Variants in LOC400499 observed in about 807,000 individuals in gnomAD.
chr16:11,391,131 C>T, the LOC400499 span, among the ~76,000 whole-genome samples: 3 of 152,216 alleles, frequency 2.0e-5, no homozygotes, highest in South Asian at 4.1e-4. Flanking sequence ...CAGGGAGGAT[C>T]GGGAGGTAAC....
At chr16:11,522,073 G>C in the LOC400499 span, 1 of 398,944 alleles carries the variant, frequency 2.5e-6, no homozygotes, top group Non-Finnish European at 4.4e-6. Flanking sequence ...AAAATGATAG[G>C]TGTATCTGGT....
At chr16:11,517,824 T>C in the LOC400499 span, among the ~76,000 whole-genome samples, 1 of 152,122 alleles carries the variant, frequency 6.6e-6, no homozygotes, top group Non-Finnish European at 1.5e-5. Flanking sequence ...GGAGTCCTCC[T>C]TCCCTGGGTG....
chr16:11,449,500 G>A, the LOC400499 span, among the ~76,000 whole-genome samples: 1 of 152,180 alleles, frequency 6.6e-6, no homozygotes, highest in Admixed American at 6.5e-5. Flanking sequence ...AGAGGTGGGT[G>A]TCATCTGGCT....
chr16:11,447,648 G>C, the LOC400499 span, among the ~76,000 whole-genome samples: 12 of 152,172 alleles, frequency 7.9e-5, no homozygotes, highest in African/African-American at 2.9e-4. Flanking sequence ...GGAACTGTTT[G>C]AATGAGCTCG....
chr16:11,383,739 A>C, the LOC400499 span: 3 of 1,232,460 alleles, frequency 2.4e-6, no homozygotes, highest in South Asian at 4.1e-5. Flanking sequence ...CCTGGGTGCC[A>C]CAGGGGACCT....
the LOC400499 span, chr16:11,487,112 T>A: frequency 2.5e-6 from 1 of 396,130 alleles, no homozygotes; most frequent in Non-Finnish European, 4.4e-6. Context: ...TATGGACATA[T>A]CTATGGGCAG....
the LOC400499 span, chr16:11,396,766 G>A: frequency 9.3e-7 from 1 of 1,079,254 alleles, no homozygotes; most frequent in Non-Finnish European, 1.2e-6. Context: ...AGCAGCAGCT[G>A]CCACCTCCCA....
chr16:11,377,833 C>T, the LOC400499 span, among the ~76,000 whole-genome samples: 5 of 152,152 alleles, frequency 3.3e-5, no homozygotes, highest in Non-Finnish European at 5.9e-5. Context: ...GGTATTCTTT[C>T]CTCAATGTTT....
chr16:11,487,981 G>A, the LOC400499 span, among the ~76,000 whole-genome samples: 1 of 152,040 alleles, frequency 6.6e-6, no homozygotes, highest in Admixed American at 6.6e-5. Flanking sequence ...GCCGGGCATG[G>A]TGGTGCGCGC....
the LOC400499 span, among the ~76,000 whole-genome samples, chr16:11,527,571 CCATTT>C: frequency 1.4e-4 from 21 of 152,222 alleles, no homozygotes; most frequent in African/African-American, 5.1e-4. Flanking sequence ...ACCATTTTAA[CCATTT>C]CATTTATTTT....
At chr16:11,401,162 A>AAC in the LOC400499 span, 1 of 398,192 alleles carries the variant, frequency 2.5e-6, no homozygotes, top group Non-Finnish European at 4.4e-6. Context: ...GTCACTGATG[A>AAC]ACACACTCTC....
the LOC400499 span, among the ~76,000 whole-genome samples, chr16:11,458,322 G>A: frequency 6.6e-6 from 1 of 152,154 alleles, no homozygotes; most frequent in African/African-American, 2.4e-5. Context: ...CTCCAGCCTG[G>A]GCAACAGGCT....
the LOC400499 span, among the ~76,000 whole-genome samples, chr16:11,429,015 G>C: frequency 6.6e-6 from 1 of 152,096 alleles, no homozygotes; most frequent in Non-Finnish European, 1.5e-5. Flanking sequence ...TAATGATCAT[G>C]ACAGATTACT....
At chr16:11,380,817 C>G in the LOC400499 span, 9 of 152,258 alleles carry the variant, frequency 5.9e-5, no homozygotes, top group African/African-American at 1.9e-4. Context: ...TGATGGCTGA[C>G]GTAGCGGACT....
At chr16:11,378,269 C>CG in the LOC400499 span, among the ~76,000 whole-genome samples, 1,575 of 58,872 alleles carry the variant, frequency 0.027, 32 homozygotes, top group Non-Finnish European at 0.043. Flanking sequence ...TTTTTTTTGC[C>CG]GGGGGGAGGG....
chr16:11,500,941 A>C, the LOC400499 span: 1 of 398,984 alleles, frequency 2.5e-6, no homozygotes, highest in Non-Finnish European at 4.4e-6. Flanking sequence ...TCCGTCCCAC[A>C]GGAAGGCAGG....
chr16:11,514,399 G>A, the LOC400499 span: 3 of 399,162 alleles, frequency 7.5e-6, no homozygotes, highest in Non-Finnish European at 1.3e-5. Flanking sequence ...GCAGCAGACT[G>A]AGTGAGGAGA....
the LOC400499 span, chr16:11,399,151 T>C: frequency 3.2e-6 from 3 of 936,710 alleles, no homozygotes; most frequent in African/African-American, 1.8e-5. Context: ...CCAGACCTGA[T>C]GCCTCGGGGA....
the LOC400499 span, among the ~76,000 whole-genome samples, chr16:11,456,687 C>T: frequency 6.6e-6 from 1 of 151,830 alleles, no homozygotes; most frequent in Non-Finnish European, 1.5e-5. Flanking sequence ...CTTGGCCTCC[C>T]ACAGTGCTGG....
Sources: gnomAD v4.1 joint callset for allele counts (sites outside exome capture counted in the v4.1 genomes callset) on GRCh38, gnomAD v4.1.1 for gene constraint, MANE v1.5 for transcripts.